DOCK3: variants seen among roughly 807,000 people sequenced by gnomAD.
DOCK3 encodes dedicator of cytokinesis protein 3.
A neutral mutation model predicts 265.6 loss-of-function variants in DOCK3; 60 were observed. That is an observed-to-expected ratio of 0.23 (90% confidence interval 0.18 to 0.28). The LOEUF (loss-of-function observed/expected upper bound fraction) is 0.28, where lower values mean the gene tolerates loss of function less well. Among genes scored for constraint, DOCK3 ranks in the 10% least tolerant of loss-of-function variants. The probability of loss-of-function intolerance (pLI) is 1.00; values close to 1 mark genes in which losing one functional copy is unlikely to be tolerated. For synonymous variants in DOCK3, 881 were observed against 938.0 expected (o/e 0.94, Z 1.11); for missense variants, 1,981 against 2,594.3 (o/e 0.76, Z 5.14).
intron 49 of DOCK3, among the ~76,000 whole-genome samples, chr3:51,364,291 A>C (rs538656131): frequency 6.6e-6 from 1 of 152,320 alleles, no homozygotes; most frequent in Non-Finnish European, 1.5e-5. Context: ...TCTTCTTTTG[A>C]GAAGTGTCTG....
intron 32 of DOCK3, 80 bp downstream of exon 32, chr3:51,315,208 A>G (rs759531481): frequency 6.9e-7 from 1 of 1,459,398 alleles, no homozygotes; most frequent in Non-Finnish European, 9.1e-7. Flanking sequence ...TGACCAAGCC[A>G]TGATTCTAGT....
chr3:51,046,661 A>G (rs1416138295), intron 5 of DOCK3, among the ~76,000 whole-genome samples: 1 of 152,188 alleles, frequency 6.6e-6, no homozygotes, highest in Non-Finnish European at 1.5e-5. Flanking sequence ...CTCACTTTCA[A>G]TAATGGATAG....
chr3:51,031,733 G>A (rs2080055880), intron 5 of DOCK3, among the ~76,000 whole-genome samples: 1 of 152,144 alleles, frequency 6.6e-6, no homozygotes, highest in Non-Finnish European at 1.5e-5. Flanking sequence ...GAAGTATTGG[G>A]GGTTAAAAGA....
At chr3:51,278,337 C>T (rs1270966563) in intron 26 of DOCK3, 1 of 985,330 alleles carries the variant, frequency 1.0e-6, no homozygotes, top group Middle Eastern at 5.2e-4. Flanking sequence ...AGAGACAATA[C>T]CTTGGGCCCC....
At chr3:51,189,843 T>C (rs1295237780) in intron 12 of DOCK3, among the ~76,000 whole-genome samples, 1 of 152,204 alleles carries the variant, frequency 6.6e-6, no homozygotes, top group African/African-American at 2.4e-5. Context: ...CCATACTGTT[T>C]TCCATAGAAG....
At chr3:51,277,803 CT>C in intron 26 of DOCK3, 49 bp downstream of exon 26, 1 of 1,573,532 alleles carries the variant, frequency 6.4e-7, no homozygotes, top group South Asian at 1.2e-5. Flanking sequence ...TAACCCGGGG[CT>C]TCTCCACAAC....
intron 22 of DOCK3, among the ~76,000 whole-genome samples, chr3:51,248,367 A>AT (rs1337939327): frequency 3.3e-5 from 5 of 152,094 alleles, no homozygotes; most frequent in Non-Finnish European, 7.4e-5. Context: ...TGGTTTTCGT[A>AT]TTTTTTTGGT....
At chr3:51,039,008 A>G (rs1013952894) in intron 5 of DOCK3, among the ~76,000 whole-genome samples, 2 of 151,354 alleles carry the variant, frequency 1.3e-5, no homozygotes, top group African/African-American at 4.8e-5. Context: ...TATTATTATT[A>G]TTTTTGAGAT....
chr3:50,783,716 C>T (rs750139836), intron 2 of DOCK3, among the ~76,000 whole-genome samples: 54 of 152,120 alleles, frequency 3.5e-4, no homozygotes, highest in Non-Finnish European at 6.6e-4. Flanking sequence ...TAAGTCCCAT[C>T]CATTTATCTT....
At chr3:50,892,323 C>T (rs530748650) in intron 4 of DOCK3, among the ~76,000 whole-genome samples, 4 of 152,068 alleles carry the variant, frequency 2.6e-5, no homozygotes, top group African/African-American at 9.7e-5. Context: ...TTTCAGCTCT[C>T]ATCCCCCTAC....
At chr3:50,850,119 A>T (rs1039354318) in intron 3 of DOCK3, among the ~76,000 whole-genome samples, 1 of 146,862 alleles carries the variant, frequency 6.8e-6, no homozygotes, top group African/African-American at 2.5e-5. Flanking sequence ...GGTGGCTCAC[A>T]CCTGTAATCC....
intron 9 of DOCK3, among the ~76,000 whole-genome samples, chr3:51,133,664 T>C (rs2084664414): frequency 6.6e-6 from 1 of 152,188 alleles, no homozygotes; most frequent in Non-Finnish European, 1.5e-5. Flanking sequence ...TTTATAATCC[T>C]TTGGGTATAT....
At chr3:50,904,808 G>A (rs928276280) in intron 4 of DOCK3, among the ~76,000 whole-genome samples, 2 of 151,880 alleles carry the variant, frequency 1.3e-5, no homozygotes, top group African/African-American at 4.8e-5. Context: ...TTTTGCTTTT[G>A]TTGCCATTGC....
chr3:51,135,763 A>G (rs1041175724), intron 9 of DOCK3, among the ~76,000 whole-genome samples: 3 of 152,122 alleles, frequency 2.0e-5, no homozygotes, highest in Middle Eastern at 3.4e-3. Flanking sequence ...TCTGTTGCCT[A>G]GGCTGGGAGT....
intron 1 of DOCK3, among the ~76,000 whole-genome samples, chr3:50,684,703 A>G (rs559950144): frequency 6.6e-6 from 1 of 152,322 alleles, no homozygotes; most frequent in African/African-American, 2.4e-5. Flanking sequence ...TCTTTGGGGA[A>G]TGCTGTGTTT....
chr3:51,377,744 T>C (rs944605612), intron 51 of DOCK3, among the ~76,000 whole-genome samples: 4 of 152,214 alleles, frequency 2.6e-5, no homozygotes, highest in Non-Finnish European at 5.9e-5. Context: ...AGGCACCCTT[T>C]TGTAAACCAT....
chr3:50,908,201 T>G (rs1381037122), intron 4 of DOCK3, among the ~76,000 whole-genome samples: 1 of 151,204 alleles, frequency 6.6e-6, no homozygotes, highest in African/African-American at 2.4e-5. Flanking sequence ...GAAGGGCTTT[T>G]TTTTTTTTTC....
chr3:50,967,904 G>C (rs887224346), intron 5 of DOCK3, among the ~76,000 whole-genome samples: 14 of 152,174 alleles, frequency 9.2e-5, no homozygotes, highest in Non-Finnish European at 1.8e-4. Flanking sequence ...ACCCAGTAGT[G>C]TGATTGCTGG....
intron 9 of DOCK3, among the ~76,000 whole-genome samples, chr3:51,144,984 G>A (rs1288849839): frequency 6.6e-6 from 1 of 152,148 alleles, no homozygotes; most frequent in East Asian, 1.9e-4. Context: ...CTGCGCAGGG[G>A]CAGGAAGGAG....
Sources: gnomAD v4.1 joint callset for allele counts (sites outside exome capture counted in the v4.1 genomes callset) on GRCh38, gnomAD v4.1.1 for gene constraint, MANE v1.5 for transcripts, NCBI Gene and HGNC (gene_info 2026-07-23, HGNC 2026-07-21) for gene names.